Variants in ZNF678 observed in about 807,000 individuals in gnomAD.
ZNF678 encodes zinc finger protein 678.
Under a neutral mutation model 3.0 loss-of-function variants are expected in ZNF678, and 5 were observed. That is an observed-to-expected ratio of 1.69 (90% CI 0.88 to 3.56). The LOEUF (loss-of-function observed/expected upper bound fraction) is 3.56, where lower values mean the gene tolerates loss of function less well. Among genes scored for constraint, ZNF678 ranks in the 30% most tolerant of loss-of-function variants. ZNF678 has a pLI of 0.00. For synonymous variants in ZNF678, 218 were observed against 199.6 expected (o/e 1.09, Z -0.78); for missense variants, 593 against 605.0 (o/e 0.98, Z 0.21).
At chr1:227,566,307 C>T (rs1057337825) in intron 1 of ZNF678, among the ~76,000 whole-genome samples, 1 of 152,200 alleles carries the variant, frequency 6.6e-6, no homozygotes, top group African/African-American at 2.4e-5. Context: ...CTCCCCCAAC[C>T]CCCAATTTCA....
At chr1:227,604,396 AT>A (rs1414813963) in intron 1 of ZNF678, among the ~76,000 whole-genome samples, 1 of 152,004 alleles carries the variant, frequency 6.6e-6, no homozygotes, top group East Asian at 1.9e-4. Flanking sequence ...CCTGAGGGTT[AT>A]TTTTTTGAGA....
chr1:227,618,919 G>A (rs1207476620), intron 1 of ZNF678, among the ~76,000 whole-genome samples: 1 of 151,416 alleles, frequency 6.6e-6, no homozygotes, highest in African/African-American at 2.4e-5. Flanking sequence ...TCCCATGGCT[G>A]GGGGGGCCTC....
rs1017746833 is a variant in ZNF678 at position 227,628,690 on chromosome 1, G to C, written c.-163-17854G>C. 3.3e-5 allele frequency among the ~76,000 whole-genome samples: 5 copies of C among 152,350 alleles called. No homozygotes were observed. The East Asian group carries it at 9.6e-4, about 29-fold the overall frequency. ...GAAACCTTGTAGCCACAGGTGGCGA[G>C]GAAGTTTAAGAGCACTTGGTTGGCT... On this transcript the variant is annotated intron_variant, in intron 1 of 3. Transcript: ENST00000343776.
intron 1 of ZNF678, among the ~76,000 whole-genome samples, chr1:227,632,716 C>G (rs2102782340): frequency 6.6e-6 from 1 of 152,232 alleles, no homozygotes. Context: ...TCCTCCGATT[C>G]TAAGGAAGGA....
At chr1:227,590,003 G>A (rs1275749665) in intron 1 of ZNF678, among the ~76,000 whole-genome samples, 2 of 151,804 alleles carry the variant, frequency 1.3e-5, no homozygotes, top group African/African-American at 2.4e-5. Context: ...ATGACAGATA[G>A]TGATTTATTG....
At chr1:227,571,261 G>A (rs1291255685) in intron 1 of ZNF678, among the ~76,000 whole-genome samples, 1 of 152,154 alleles carries the variant, frequency 6.6e-6, no homozygotes, top group Non-Finnish European at 1.5e-5. Flanking sequence ...GATTCAGAAT[G>A]CCTGGTCTTC....
At chr1:227,572,944 A>G (rs1049614797) in intron 1 of ZNF678, among the ~76,000 whole-genome samples, 3 of 152,240 alleles carry the variant, frequency 2.0e-5, no homozygotes, top group African/African-American at 7.2e-5. Context: ...GCCCCAGCCA[A>G]GGCACTTCAG....
intron 1 of ZNF678, among the ~76,000 whole-genome samples, chr1:227,605,622 A>G (rs941710590): frequency 2.0e-5 from 3 of 152,224 alleles, no homozygotes; most frequent in African/African-American, 4.8e-5. Context: ...GTTTAGGATT[A>G]CAATCATAAA....
At chr1:227,571,331 G>T (rs74492285) in intron 1 of ZNF678, among the ~76,000 whole-genome samples, 3 of 152,098 alleles carry the variant, frequency 2.0e-5, no homozygotes, top group African/African-American at 7.2e-5. Context: ...TTCTAGTGTT[G>T]TATCCATGTT....
intron 5 of ZNF678, among the ~76,000 whole-genome samples, chr1:227,670,859 T>C (rs2102820546): frequency 6.6e-6 from 1 of 152,248 alleles, no homozygotes; most frequent in Admixed American, 6.5e-5. Flanking sequence ...GTTTTAATAA[T>C]TATGTTCAAC....
rs1166609018 is a variant in ZNF678, at chr1:227,655,578, A to G, written c.1328A>G (p.Tyr443Cys). The G allele has an allele frequency of 1.9e-6, 3 of 1,612,364 alleles. No homozygotes were observed. The highest frequency in any genetic ancestry group is 2.2e-5 in the South Asian group (2 of 91,040). ...YKCKECGKAFYQSSILSKHKR... is the reference protein window; with the variant it reads ...YKCKECGKAFCQSSILSKHKR... ...TGTAAAGAATGTGGCAAAGCTTTTTACCAATCCTCAATCCTTAGTAAGCAT... is the reference window on the plus strand; with the variant it reads ...TGTAAAGAATGTGGCAAAGCTTTTTGCCAATCCTCAATCCTTAGTAAGCAT... Residue 443 changes from tyrosine (Y) to cysteine (C), a missense_variant, in exon 4 of 4, where the codon TAC becomes TGC. By Grantham distance (194) the Tyr-to-Cys change is radical. Coordinates refer to ENST00000343776, the MANE Select transcript of ZNF678 (RefSeq NM_001367909.1).
intron 1 of ZNF678, among the ~76,000 whole-genome samples, chr1:227,606,889 G>C (rs533769309): frequency 5.6e-4 from 85 of 152,322 alleles, no homozygotes; most frequent in African/African-American, 1.9e-3. Flanking sequence ...TGAGCACGGG[G>C]TTGGGGCTAA....
At position 227,654,675 on chromosome 1, in the gene ZNF678, A is replaced by G. The variant is rs1218266198; in HGVS notation, c.425A>G (p.Lys142Arg). The change falls in exon 4 of 4, where the codon AAA becomes AGA. Residue 142 changes from lysine to arginine, a missense_variant. Transcript: ENST00000343776. The stretch of plus-strand genomic sequence containing the variant: ...TTCAATCGATGTTCAAACCTAACAA[A>G]ACATAAAAGAATTCATACTGGAGAG... ...KVFNRCSNLT[K>R]HKRIHTGEKP... The G allele has an allele frequency of 1.9e-6, 3 of 1,613,044 alleles. No individual in the cohort carries two copies. In the South Asian group the frequency reaches 3.3e-5, roughly 18 times the overall value.
intron 1 of ZNF678, among the ~76,000 whole-genome samples, chr1:227,629,103 A>T (rs1451948921): frequency 6.6e-6 from 1 of 152,296 alleles, no homozygotes; most frequent in South Asian, 2.1e-4. Context: ...ACATTGGAGT[A>T]TTGCAGGGGC....
intron 1 of ZNF678, among the ~76,000 whole-genome samples, chr1:227,633,475 G>C (rs1658602260): frequency 6.6e-6 from 1 of 152,206 alleles, no homozygotes; most frequent in African/African-American, 2.4e-5. Context: ...CAAGCCCCGT[G>C]TTTAAAGGTG....
At chr1:227,625,970 G>A (rs540154196) in intron 1 of ZNF678, among the ~76,000 whole-genome samples, 1 of 152,248 alleles carries the variant, frequency 6.6e-6, no homozygotes, top group Non-Finnish European at 1.5e-5. Context: ...ATATGGGTGT[G>A]GGTGGTGAAA....
At chr1:227,668,932 A>T (rs1270201813) in intron 5 of ZNF678, among the ~76,000 whole-genome samples, 4 of 152,162 alleles carry the variant, frequency 2.6e-5, no homozygotes, top group Non-Finnish European at 4.4e-5. Flanking sequence ...AAAGATTTAA[A>T]TGTAAGATTG....
At chr1:227,577,781 A>G (rs190534281) in intron 1 of ZNF678, among the ~76,000 whole-genome samples, 85 of 152,206 alleles carry the variant, frequency 5.6e-4, no homozygotes, top group African/African-American at 1.9e-3. Flanking sequence ...TGCCATCATG[A>G]TGGTAGCTGT....
chr1:227,635,515 T>TTG (rs56135481), intron 1 of ZNF678, among the ~76,000 whole-genome samples: 26,045 of 127,628 alleles, frequency 0.2, 2,668 homozygotes, highest in East Asian at 0.27. Flanking sequence ...GGGTGAACAT[T>TTG]TGTGTGTGTG....
Sources: gnomAD v4.1 joint callset for allele counts (sites outside exome capture counted in the v4.1 genomes callset) on GRCh38, gnomAD v4.1.1 for gene constraint, MANE v1.5 for transcripts, NCBI Gene and HGNC (gene_info 2026-07-23, HGNC 2026-07-21) for gene names.